Variants in MYO5A observed in about 807,000 individuals in gnomAD.
MYO5A encodes myosin VA.
MYO5A carries 98 observed loss-of-function variants against 249.7 expected under a neutral mutation model. The ratio of observed to expected loss-of-function variants is 0.39; its 90% CI spans 0.33 to 0.46. MYO5A has a LOEUF of 0.46. Among genes scored for constraint, MYO5A ranks in the 20% least tolerant of loss-of-function variants. The pLI is 0.98. For synonymous variants in MYO5A, 778 were observed against 810.6 expected, an observed-to-expected ratio of 0.96 and a Z score of 0.68; for missense variants, 1,696 against 2,308.8, an observed-to-expected ratio of 0.73 and a Z score of 5.44.
chr15:52,372,329 T>A lies in MYO5A; in HGVS notation c.2612A>T (p.Lys871Met), dbSNP rs777257254. The change falls in exon 21 of 42, where the codon AAG becomes ATG. Residue 871 changes from lysine (K) to methionine (M), a missense_variant. Around this residue, in one of 5 missense-constraint regions of MYO5A, gnomAD observed 412 missense variants for 453.3 expected, o/e 0.91. Coordinates refer to ENST00000399233, the MANE Select transcript of MYO5A (RefSeq NM_001382347.1). ...GCGGGCCAGCCAGCCCCGGACTCGC[T>A]TCTGAATGATGACTGCTTTGTGCTC... The part of the protein sequence containing the change: ...LREHKAVIIQ[K>M]RVRGWLARTH... 2.4e-5 allele frequency: 38 copies of A among 1,604,988 alleles called. No homozygotes were observed. The East Asian group carries it at 7.6e-4, about 32-fold the overall frequency.
chr15:52,324,254 T>C (rs2038485469), intron 36 of MYO5A, among the ~76,000 whole-genome samples: 1 of 152,132 alleles, frequency 6.6e-6, no homozygotes, highest in Non-Finnish European at 1.5e-5. Flanking sequence ...AGTCCTGAGC[T>C]GGGCAGTACA....
At chr15:52,483,470 T>G (rs1457071051) in intron 1 of MYO5A, among the ~76,000 whole-genome samples, 1 of 151,570 alleles carries the variant, frequency 6.6e-6, no homozygotes, top group African/African-American at 2.4e-5. Context: ...ATTTCAGGAG[T>G]AGGGAAGAGA....
intron 5 of MYO5A, 47 bp from the exon 6 acceptor site, chr15:52,410,523 C>A: frequency 1.3e-6 from 2 of 1,546,368 alleles, no homozygotes; most frequent in South Asian, 1.1e-5. Context: ...TAATTCATAA[C>A]ATGACATTTA....
intron 25 of MYO5A, among the ~76,000 whole-genome samples, chr15:52,358,240 C>T (rs1414743875): frequency 6.6e-6 from 1 of 152,176 alleles, no homozygotes; most frequent in Non-Finnish European, 1.5e-5. Context: ...ATCATGGCTT[C>T]CCCCTACCAG....
Position 52,308,680 on chromosome 15 carries a change from G to A in MYO5A, c.*5016C>T, listed in dbSNP as rs976327598. On this transcript the variant is annotated 3_prime_UTR_variant, in exon 42 of 42. Coordinates refer to ENST00000399233, the MANE Select transcript of MYO5A (RefSeq NM_001382347.1). Reference sequence around the variant, plus strand: ...AAGGAAAGAGGAAGTACAGGAGAAGGAGGGTCATGCAGGGCCACATCCAGT... The same window carrying A: ...AAGGAAAGAGGAAGTACAGGAGAAGAAGGGTCATGCAGGGCCACATCCAGT... 2.6e-5 allele frequency: 4 copies of A among 152,674 alleles called. No homozygotes were observed. The highest frequency in any genetic ancestry group is 2.6e-4 in the Admixed American group (4 of 15,282). 9.5% of individuals were successfully genotyped at this position (152,674 alleles called of 1,614,324 possible). A position where few individuals can be genotyped will look rare whatever the true frequency, so the allele number is the denominator to read the frequency against.
At position 52,375,467 on chromosome 15, in the gene MYO5A, A is replaced by T; in HGVS notation, c.2421-7T>A. 6.2e-7 allele frequency: 1 copy of T among 1,614,074 alleles called. No individual in the cohort carries two copies. Among genetic ancestry groups the T allele is most frequent in the Non-Finnish European group, 8.5e-7 (1 of 1,179,968 alleles). On this transcript the variant is annotated splice_region_variant and splice_polypyrimidine_tract_variant and intron_variant, in intron 19 of 41. Coordinates refer to ENST00000399233, the MANE Select transcript of MYO5A (RefSeq NM_001382347.1). ...GCGCAGAAACTTAGCATAGCTGGCC[A>T]AAGAAAATAACATTATGTTGTCAGT...
At chr15:52,402,369 C>T (rs1441129963) in intron 9 of MYO5A, among the ~76,000 whole-genome samples, 1 of 151,998 alleles carries the variant, frequency 6.6e-6, no homozygotes, top group Admixed American at 6.6e-5. Flanking sequence ...TTACTAGCTC[C>T]CCACTTAGGG....
At chr15:52,436,413 A>G (rs2075664503) in intron 1 of MYO5A, among the ~76,000 whole-genome samples, 1 of 152,132 alleles carries the variant, frequency 6.6e-6, no homozygotes, top group Non-Finnish European at 1.5e-5. Context: ...TCTATAATGT[A>G]CTTCTCCCAG....
rs745558066 is a variant in MYO5A at position 52,353,857 on chromosome 15, G to A, written c.3567+14C>T. The A allele has an allele frequency of 2.5e-6, 4 of 1,613,096 alleles. No individual in the cohort carries two copies. The highest frequency in any genetic ancestry group is 3.4e-6 in the Non-Finnish European group (4 of 1,180,040). On this transcript the variant is annotated intron_variant, in intron 26 of 41. Transcript: ENST00000399233. ...AGCCCAGCTTCAGCTCTGCGGATGG[G>A]CTGTGCTGCGCACCTTGGCCTTGCT...
intron 1 of MYO5A, among the ~76,000 whole-genome samples, chr15:52,463,629 C>G (rs980181472): frequency 7.9e-5 from 12 of 152,158 alleles, no homozygotes; most frequent in African/African-American, 2.9e-4. Context: ...TTCCTAAAAG[C>G]TACTGGAAAC....
chr15:52,413,563 G>A (rs976919029), intron 5 of MYO5A, among the ~76,000 whole-genome samples: 6 of 152,226 alleles, frequency 3.9e-5, no homozygotes, highest in Middle Eastern at 3.4e-3. Flanking sequence ...CACTGGAGAC[G>A]CCGATATGCC....
chr15:52,494,173 C>T (rs952837408), intron 1 of MYO5A, among the ~76,000 whole-genome samples: 2 of 152,202 alleles, frequency 1.3e-5, no homozygotes, highest in African/African-American at 4.8e-5. Context: ...ATGGTGTCAT[C>T]TTTGATCTCC....
intron 1 of MYO5A, among the ~76,000 whole-genome samples, chr15:52,500,015 T>C (rs908828414): frequency 1.3e-5 from 2 of 152,128 alleles, no homozygotes; most frequent in Admixed American, 6.6e-5. Context: ...ATCACCCCTC[T>C]GCACTTCAGC....
intron 15 of MYO5A, among the ~76,000 whole-genome samples, chr15:52,383,783 G>A (rs1433470114): frequency 6.6e-6 from 1 of 152,220 alleles, no homozygotes; most frequent in Non-Finnish European, 1.5e-5. Context: ...AAGCATGTAT[G>A]TAACATTTCC....
At chr15:52,468,251 G>A (rs768599956) in intron 1 of MYO5A, among the ~76,000 whole-genome samples, 6 of 152,116 alleles carry the variant, frequency 3.9e-5, no homozygotes, top group African/African-American at 1.2e-4. Flanking sequence ...GCAGTGAGCC[G>A]AGGTCACACC....
In MYO5A at chr15:52,384,232, T is replaced by C. The variant is rs1163629002; in HGVS notation, c.1843A>G (p.Thr615Ala). 3.7e-6 allele frequency: 6 copies of C among 1,614,136 alleles called. No homozygotes were observed. The highest frequency in any genetic ancestry group is 1.3e-5 in the African/African-American group (1 of 75,032). Reference protein sequence around the residue: ...TSSGRTPLTRTPAKPTKGRPG... With the variant: ...TSSGRTPLTRAPAKPTKGRPG... ...CTGCCTTTGGTGGGCTTTGCAGGAGTTCGTGTGAGGGGTGTGCGCCCTGAG... is the reference window on the plus strand; with the variant it reads ...CTGCCTTTGGTGGGCTTTGCAGGAGCTCGTGTGAGGGGTGTGCGCCCTGAG... The change falls in exon 15 of 42, where the codon ACT becomes GCT. Residue 615 changes from threonine (T) to alanine (A), a missense_variant. Physicochemically the swap from Thr to Ala is moderately conservative, Grantham distance 58. This residue lies in a region of MYO5A where 277 missense variants were observed against 422.4 expected (regional missense o/e 0.66). Coordinates refer to ENST00000399233, the MANE Select transcript of MYO5A (RefSeq NM_001382347.1).
intron 4 of MYO5A, among the ~76,000 whole-genome samples, chr15:52,417,056 A>G (rs2043533992): frequency 6.6e-6 from 1 of 152,236 alleles, no homozygotes; most frequent in African/African-American, 2.4e-5. Context: ...TGGTTCATAC[A>G]TGCAACAGTG....
At chr15:52,395,931 G>C (rs1236517376) in intron 11 of MYO5A, among the ~76,000 whole-genome samples, 1 of 152,204 alleles carries the variant, frequency 6.6e-6, no homozygotes, top group Non-Finnish European at 1.5e-5. Flanking sequence ...CTGCTTTTTA[G>C]TTCTGACATC....
At chr15:52,486,124 T>C (rs1314420563) in intron 1 of MYO5A, among the ~76,000 whole-genome samples, 3 of 152,146 alleles carry the variant, frequency 2.0e-5, no homozygotes, top group Non-Finnish European at 4.4e-5. Context: ...ATTTACCAAG[T>C]CCCTCTTACA....
Sources: gnomAD v4.1 joint callset for allele counts (sites outside exome capture counted in the v4.1 genomes callset) on GRCh38, gnomAD v4.1.1 for gene constraint, gnomAD v4.1.1 regional missense constraint, MANE v1.5 for transcripts, NCBI Gene and HGNC (gene_info 2026-07-23, HGNC 2026-07-21) for gene names.